COL6A5: variants seen among roughly 807,000 people sequenced by gnomAD.
COL6A5 encodes collagen alpha-5(VI) chain.
A neutral mutation model predicts 65.6 loss-of-function variants in COL6A5; 48 were observed. The ratio of observed to expected loss-of-function variants is 0.73; its 90% CI spans 0.58 to 0.93. The LOEUF is 0.93. Among genes scored for constraint, COL6A5 ranks in the 40% least tolerant of loss-of-function variants. The probability of loss-of-function intolerance (pLI) is 0.00; values close to 1 mark genes in which losing one functional copy is unlikely to be tolerated. For synonymous variants in COL6A5, 291 were observed against 322.8 expected, an observed-to-expected ratio of 0.90 and a Z score of 1.05; for missense variants, 914 against 928.3, an observed-to-expected ratio of 0.98 and a Z score of 0.20.
chr3:130,473,621 A>G (rs1710014541), intron 7 of COL6A5, among the ~76,000 whole-genome samples: 1 of 152,140 alleles, frequency 6.6e-6, no homozygotes, highest in African/African-American at 2.4e-5. Context: ...AACTGTTCTC[A>G]TAAATGAAGA....
upstream of COL6A5, chr3:130,429,534 C>A: frequency 6.5e-7 from 1 of 1,531,006 alleles, no homozygotes; most frequent in Non-Finnish European, 8.8e-7. Flanking sequence ...AGTCTTGTTT[C>A]AAGAAGGTAA....
chr3:130,385,809 G>A (rs959660661), intron 5 of COL6A5, among the ~76,000 whole-genome samples: 3 of 152,002 alleles, frequency 2.0e-5, no homozygotes, highest in Admixed American at 6.6e-5. Flanking sequence ...ACTTCCACTT[G>A]AGCCTGGAAC....
Position 130,415,610 on chromosome 3 carries a change from A to C in COL6A5, c.4762-35A>C, listed in dbSNP as rs13070741. 38 of 1,521,884 alleles carry C rather than the reference A, an allele frequency of 2.5e-5. No individual in the cohort carries two copies. The East Asian group carries it at 9.3e-4, about 37-fold the overall frequency. 94.3% of individuals were successfully genotyped at this position (1,521,884 alleles called of 1,614,324 possible). A position where few individuals can be genotyped will look rare whatever the true frequency, so the allele number is the denominator to read the frequency against. On this transcript the variant is annotated intron_variant and NMD_transcript_variant, in intron 22 of 41. Coordinates refer to the COL6A5 transcript ENST00000312481. ...CACTGAGAAGTAAGCTTTCATTGAC[A>C]TAATTGCATTGTATTTCCTTTGTTA...
At chr3:130,382,170 T>C (rs1219558472) in intron 4 of COL6A5, among the ~76,000 whole-genome samples, 1 of 152,000 alleles carries the variant, frequency 6.6e-6, no homozygotes, top group Non-Finnish European at 1.5e-5. Context: ...ATGGTGTCAT[T>C]ATAGAGATAG....
At chr3:130,379,782 G>A in exon 4 of COL6A5, 1 of 1,551,324 alleles carries the variant, frequency 6.4e-7, no homozygotes, top group Non-Finnish European at 8.7e-7. Flanking sequence ...TTGCAGTTCT[G>A]GTCACCCACA....
chr3:130,359,070 A>C (rs1019944880), intron 1 of COL6A5, among the ~76,000 whole-genome samples: 2 of 152,212 alleles, frequency 1.3e-5, no homozygotes, highest in African/African-American at 4.8e-5. Flanking sequence ...GTTGATTTCA[A>C]CTAGTGTGGT....
intron 3 of COL6A5, among the ~76,000 whole-genome samples, chr3:130,377,541 TGC>T (rs1398710479): frequency 6.6e-6 from 1 of 152,252 alleles, no homozygotes; most frequent in Non-Finnish European, 1.5e-5. Flanking sequence ...GAAGAGGGGA[TGC>T]CCTCAGTGGT....
intron 5 of COL6A5, among the ~76,000 whole-genome samples, chr3:130,459,639 T>C (rs1272422432): frequency 6.6e-6 from 1 of 152,074 alleles, no homozygotes; most frequent in Non-Finnish European, 1.5e-5. Flanking sequence ...CCCCCAAGTT[T>C]ATGGAACTGG....
intron 23 of COL6A5, 36 bp from the exon 24 acceptor site, chr3:130,416,721 C>G: frequency 8.3e-7 from 1 of 1,205,804 alleles, no homozygotes; most frequent in South Asian, 1.4e-5. Context: ...AGAATTACTA[C>G]GGTGCCAACA....
intron 7 of COL6A5, among the ~76,000 whole-genome samples, chr3:130,477,960 A>T (rs971901961): frequency 7.9e-5 from 12 of 152,104 alleles, no homozygotes; most frequent in Admixed American, 3.9e-4. Flanking sequence ...AGCATTTTAT[A>T]GGGCTAGTAT....
intron 27 of COL6A5, 69 bp from the exon 28 acceptor site, chr3:130,422,651 A>G (rs1937537621): frequency 1.8e-5 from 18 of 991,996 alleles, no homozygotes; most frequent in Middle Eastern, 2.1e-4. Context: ...TTGAGTCCAG[A>G]GAGTTTTTTT....
chr3:130,378,070 A>G (rs1935852703), intron 3 of COL6A5, among the ~76,000 whole-genome samples: 3 of 152,228 alleles, frequency 2.0e-5, no homozygotes, highest in South Asian at 2.1e-4. Context: ...TCTCTTGGCT[A>G]TGCTTTCCAC....
In COL6A5 at chr3:130,479,408, C is replaced by G. The variant is rs148221185; in HGVS notation, c.2329-4627C>G. On this transcript the variant is annotated intron_variant, in intron 7 of 7. Transcript: ENST00000512836. ...TGGACTAAAACAGAGAGCAAGCATT[C>G]TTTTATCAGGCAAAACAAAAACAAA... 4.7e-3 allele frequency among the ~76,000 whole-genome samples: 623 copies of G among 132,302 alleles called. 6 individuals carry two copies. The highest frequency in any genetic ancestry group is 0.016 in the African/African-American group (555 of 35,034). 86.8% of individuals were successfully genotyped at this position (132,302 alleles called of 152,430 possible).
intron 7 of COL6A5, among the ~76,000 whole-genome samples, chr3:130,474,045 G>T (rs919873472): frequency 6.6e-6 from 1 of 152,116 alleles, no homozygotes; most frequent in African/African-American, 2.4e-5. Flanking sequence ...ACAGTCTCAA[G>T]TAGTAACTGT....
At chr3:130,356,840 C>G (rs1403504194) in intron 1 of COL6A5, among the ~76,000 whole-genome samples, 1 of 152,132 alleles carries the variant, frequency 6.6e-6, no homozygotes, top group Non-Finnish European at 1.5e-5. Flanking sequence ...CATGTCAAAG[C>G]TGATGCTGTA....
intron 17 of COL6A5, among the ~76,000 whole-genome samples, chr3:130,408,376 A>G (rs978003282): frequency 3.3e-5 from 5 of 152,060 alleles, no homozygotes; most frequent in African/African-American, 1.2e-4. Context: ...GTCTCCTGCA[A>G]CGCCCCCAGG....
At chr3:130,399,020 G>A (rs1005862663) in intron 10 of COL6A5, among the ~76,000 whole-genome samples, 4 of 152,166 alleles carry the variant, frequency 2.6e-5, no homozygotes, top group Admixed American at 6.5e-5. Context: ...AGCACTTCTC[G>A]CTATATATTT....
At chr3:130,395,579 A>G in intron 8 of COL6A5, 114 bp downstream of exon 8, 1 of 812,014 alleles carries the variant, frequency 1.2e-6, no homozygotes, top group Non-Finnish European at 2.0e-6. Flanking sequence ...ATATTTAGTG[A>G]GAATATCTCA....
intron 29 of COL6A5, among the ~76,000 whole-genome samples, chr3:130,424,227 T>C (rs1937563954): frequency 6.6e-6 from 1 of 152,116 alleles, no homozygotes; most frequent in African/African-American, 2.4e-5. Context: ...AAATAGTTAA[T>C]ATTGGTTAAC....
Sources: gnomAD v4.1 joint callset for allele counts (sites outside exome capture counted in the v4.1 genomes callset) on GRCh38, gnomAD v4.1.1 for gene constraint, MANE v1.5 for transcripts, NCBI Gene and HGNC (gene_info 2026-07-23, HGNC 2026-07-21) for gene names.